The following TACC1 variants were observed in gnomAD, a reference collection of about 807,000 sequenced individuals.
TACC1 encodes the protein transforming acidic coiled-coil-containing protein 1.
A neutral mutation model predicts 84.4 loss-of-function variants in TACC1; 48 were observed. That is an observed-to-expected ratio of 0.57 (90% CI 0.45 to 0.72). The LOEUF is 0.72. Ranked by LOEUF, TACC1 falls within the 30% of genes least tolerant of loss-of-function variation. TACC1 has a pLI of 0.00. For synonymous variants in TACC1, 372 were observed against 376.3 expected (o/e 0.99, Z 0.13); for missense variants, 920 against 973.0 (o/e 0.95, Z 0.72).
intron 1 of TACC1, among the ~76,000 whole-genome samples, chr8:38,735,341 G>A (rs552043748): frequency 2.0e-5 from 3 of 152,264 alleles, no homozygotes; most frequent in Non-Finnish European, 2.9e-5. Flanking sequence ...GGAAGCTAAA[G>A]TTACATGGGT....
At chr8:38,758,508 G>A (rs1474285748) in intron 3 of TACC1, among the ~76,000 whole-genome samples, 1 of 151,750 alleles carries the variant, frequency 6.6e-6, no homozygotes, top group Admixed American at 6.6e-5. Flanking sequence ...GTGAAACCCC[G>A]TCTCTACTAA....
chr8:38,769,652 T>C (rs1479594737), intron 3 of TACC1, among the ~76,000 whole-genome samples: 3 of 142,890 alleles, frequency 2.1e-5, no homozygotes, highest in African/African-American at 8.0e-5. Context: ...GGGGTGTGTG[T>C]GTGTGAGAGA....
intron 2 of TACC1, among the ~76,000 whole-genome samples, chr8:38,796,495 T>C (rs1366920045): frequency 6.6e-6 from 1 of 152,236 alleles, no homozygotes; most frequent in Non-Finnish European, 1.5e-5. Context: ...ATCTTCCACA[T>C]GTGTGAACTT....
intron 2 of TACC1, among the ~76,000 whole-genome samples, chr8:38,794,878 C>T (rs1027407133): frequency 6.6e-6 from 1 of 152,184 alleles, no homozygotes; most frequent in Non-Finnish European, 1.5e-5. Flanking sequence ...TCAACAGCAT[C>T]GCAGCCTAAT....
At chr8:38,770,856 G>A (rs890047876) in intron 3 of TACC1, among the ~76,000 whole-genome samples, 1 of 152,014 alleles carries the variant, frequency 6.6e-6, no homozygotes, top group Admixed American at 6.6e-5. Flanking sequence ...AGTGAATTCT[G>A]GGAATCTCTC....
intron 3 of TACC1, among the ~76,000 whole-genome samples, chr8:38,764,598 AT>A (rs1216727022): frequency 1.3e-5 from 2 of 151,882 alleles, no homozygotes; most frequent in African/African-American, 4.8e-5. Flanking sequence ...TTCCATATTT[AT>A]TTGTAAGAGT....
At position 38,824,005 on chromosome 8, in the gene TACC1, G is replaced by A. The variant is rs916075020; in HGVS notation, c.1392-1303G>A. ...GGTGCATCAGGACTACTGAACAAGT[G>A]AAATTTCTCTGTTTTCTGTTGTAAG... On this transcript the variant is annotated intron_variant, in intron 3 of 12. Coordinates refer to ENST00000317827, the MANE Select transcript of TACC1 (RefSeq NM_006283.3). 4 of 1,351,924 alleles carry A rather than the reference G, an allele frequency of 3.0e-6. No homozygotes were observed. The African/African-American group carries it at 5.9e-5, about 20-fold the overall frequency. 83.7% of individuals were successfully genotyped at this position (1,351,924 alleles called of 1,614,324 possible).
At chr8:38,744,143 T>C (rs1807607420) in intron 2 of TACC1, 1 of 152,182 alleles carries the variant, frequency 6.6e-6, no homozygotes, top group Non-Finnish European at 1.5e-5. Flanking sequence ...AAATAGTATG[T>C]GGCTGCTTGA....
intron 3 of TACC1, among the ~76,000 whole-genome samples, chr8:38,762,706 G>A (rs1370948506): frequency 6.6e-6 from 1 of 151,980 alleles, no homozygotes; most frequent in Non-Finnish European, 1.5e-5. Flanking sequence ...ACAGGCATGC[G>A]TCACCAGGCC....
intron 3 of TACC1, among the ~76,000 whole-genome samples, chr8:38,769,070 A>G: frequency 8.2e-6 from 1 of 121,894 alleles, no homozygotes; most frequent in Non-Finnish European, 1.7e-5. Flanking sequence ...TGTTGTGGGG[A>G]GGTTTGTGTG....
intron 3 of TACC1, among the ~76,000 whole-genome samples, chr8:38,751,878 A>C (rs1391759043): frequency 1.3e-5 from 2 of 152,194 alleles, no homozygotes; most frequent in Non-Finnish European, 2.9e-5. Flanking sequence ...GTGAACAGTA[A>C]ATGAGTTAAT....
At chr8:38,768,955 G>A (rs925540691) in intron 3 of TACC1, among the ~76,000 whole-genome samples, 1 of 149,982 alleles carries the variant, frequency 6.7e-6, no homozygotes, top group African/African-American at 2.5e-5. Flanking sequence ...ATGTGTACAT[G>A]AGACTGTGGG....
chr8:38,825,405 C>G (rs1203699357), intron 4 of TACC1, 37 bp downstream of exon 4: 1 of 1,611,482 alleles, frequency 6.2e-7, no homozygotes, highest in Non-Finnish European at 8.5e-7. Flanking sequence ...TCTCTGAGAC[C>G]AGGGGTCCTC....
chr8:38,847,933 A>G, intron 12 of TACC1, 22 bp from the exon 13 acceptor site: 1 of 1,609,888 alleles, frequency 6.2e-7, no homozygotes, highest in Non-Finnish European at 8.5e-7. Context: ...TGGCCTGCAT[A>G]ATTATGTCAT....
chr8:38,820,513 C>G lies in TACC1; in HGVS notation c.1269C>G (p.Asp423Glu), dbSNP rs374553789. The change falls in exon 3 of 13, where the codon GAC becomes GAG. Residue 423 changes from aspartate to glutamate, a missense_variant. Coordinates refer to ENST00000317827, the MANE Select transcript of TACC1 (RefSeq NM_006283.3). ...ACCACTTTGACCCAGATAACTTTGACGAATCCATGGATCCCTTTAAACCAA... is the reference window on the plus strand; with the variant it reads ...ACCACTTTGACCCAGATAACTTTGAGGAATCCATGGATCCCTTTAAACCAA... ...GSYHFDPDNFDESMDPFKPTT... is the reference protein window; with the variant it reads ...GSYHFDPDNFEESMDPFKPTT... 6 of 1,614,180 alleles carry G rather than the reference C, an allele frequency of 3.7e-6. No homozygotes were observed. The South Asian group carries it at 5.5e-5, about 15-fold the overall frequency.
intron 10 of TACC1, 88 bp from the exon 11 acceptor site, chr8:38,843,201 C>T: frequency 1.1e-6 from 1 of 870,222 alleles, no homozygotes; most frequent in Non-Finnish European, 1.7e-6. Context: ...TTAGATTTTT[C>T]CATTCTTTAA....
intron 3 of TACC1, among the ~76,000 whole-genome samples, chr8:38,779,487 G>A (rs1203430482): frequency 6.6e-6 from 1 of 152,194 alleles, no homozygotes; most frequent in Non-Finnish European, 1.5e-5. Flanking sequence ...CCCTCCGGGT[G>A]TCTTCAAAGC....
intron 3 of TACC1, among the ~76,000 whole-genome samples, chr8:38,756,720 C>T (rs1810109222): frequency 6.6e-6 from 1 of 152,212 alleles, no homozygotes; most frequent in Non-Finnish European, 1.5e-5. Context: ...CCAAGTTACT[C>T]AGCTAGTTGG....
At chr8:38,755,242 T>G (rs1216489078) in intron 3 of TACC1, among the ~76,000 whole-genome samples, 4 of 151,692 alleles carry the variant, frequency 2.6e-5, no homozygotes, top group Non-Finnish European at 4.4e-5. Context: ...ACAACTAAAA[T>G]GTAGTCACAT....
Sources: allele counts gnomAD v4.1 joint callset (sites outside exome capture counted in the v4.1 genomes callset), GRCh38; gene constraint gnomAD v4.1.1; transcripts MANE v1.5; gene names NCBI Gene and HGNC (gene_info 2026-07-23, HGNC 2026-07-21).